The following STXBP5L variants were observed in gnomAD, a reference collection of about 807,000 sequenced individuals.
STXBP5L encodes syntaxin-binding protein 5-like.
In STXBP5L, 65 loss-of-function variants were observed where a neutral mutation model predicts 144.5. The ratio of observed to expected loss-of-function variants is 0.45; its 90% CI spans 0.37 to 0.55. STXBP5L has a LOEUF of 0.55. Among genes scored for constraint, STXBP5L ranks in the 20% least tolerant of loss-of-function variants. STXBP5L has a pLI of 0.00. For missense variants in STXBP5L, 1,298 were observed against 1,405.5 expected (o/e 0.92, Z 1.22); for synonymous variants, 505 against 469.6 (o/e 1.08, Z -0.97).
intron 10 of STXBP5L, among the ~76,000 whole-genome samples, 181 bp downstream of exon 10, chr3:121,206,182 T>C (rs1042444403): frequency 2.6e-5 from 4 of 152,206 alleles, no homozygotes; most frequent in Non-Finnish European, 5.9e-5. Flanking sequence ...ATGATTATTA[T>C]AAATTACAAG....
intron 3 of STXBP5L, among the ~76,000 whole-genome samples, chr3:121,005,868 G>C (rs1944248880): frequency 1.3e-5 from 2 of 152,184 alleles, no homozygotes; most frequent in African/African-American, 4.8e-5. Flanking sequence ...GGTTTTGAGT[G>C]AGTTTCTTAA....
At chr3:120,977,019 C>G (rs1017025619) in intron 3 of STXBP5L, among the ~76,000 whole-genome samples, 4 of 152,060 alleles carry the variant, frequency 2.6e-5, no homozygotes, top group East Asian at 1.9e-4. Context: ...TATGTATATT[C>G]TGTTGATTTG....
At chr3:121,353,926 C>G (rs750065311) in intron 20 of STXBP5L, among the ~76,000 whole-genome samples, 1 of 152,166 alleles carries the variant, frequency 6.6e-6, no homozygotes, top group Non-Finnish European at 1.5e-5. Context: ...TTTCTGCCTT[C>G]AATTCGTTAT....
intron 3 of STXBP5L, among the ~76,000 whole-genome samples, chr3:120,974,584 T>G (rs1940708585): frequency 6.6e-6 from 1 of 152,222 alleles, no homozygotes; most frequent in African/African-American, 2.4e-5. Context: ...TTGCTGCCAT[T>G]GCTTTTGGTG....
At chr3:121,113,515 TAGC>T (rs2044090986) in intron 5 of STXBP5L, among the ~76,000 whole-genome samples, 1 of 152,110 alleles carries the variant, frequency 6.6e-6, no homozygotes, top group African/African-American at 2.4e-5. Flanking sequence ...GCTTATGTAA[TAGC>T]AGAGCTTTTA....
At chr3:121,013,534 G>C (rs1209462002) in intron 3 of STXBP5L, among the ~76,000 whole-genome samples, 1 of 150,884 alleles carries the variant, frequency 6.6e-6, no homozygotes, top group Non-Finnish European at 1.5e-5. Flanking sequence ...CACTTTCAAC[G>C]GAGTTATTTG....
intron 5 of STXBP5L, among the ~76,000 whole-genome samples, chr3:121,065,280 T>C (rs2041487604): frequency 6.6e-6 from 1 of 152,196 alleles, no homozygotes; most frequent in African/African-American, 2.4e-5. Flanking sequence ...CTGGGTCAAA[T>C]GTTTGCTCTG....
intron 18 of STXBP5L, among the ~76,000 whole-genome samples, chr3:121,262,850 T>G (rs570813745): frequency 1.3e-5 from 2 of 152,296 alleles, no homozygotes; most frequent in South Asian, 4.1e-4. Context: ...CCCATCTCCC[T>G]GGGACAGAGC....
intron 5 of STXBP5L, among the ~76,000 whole-genome samples, chr3:121,083,299 T>A (rs1194224802): frequency 6.6e-6 from 1 of 152,228 alleles, no homozygotes; most frequent in African/African-American, 2.4e-5. Context: ...ATCTGGTTTG[T>A]TCTCAGGTAG....
At chr3:121,181,853 G>A (rs2047168174) in intron 9 of STXBP5L, among the ~76,000 whole-genome samples, 1 of 151,966 alleles carries the variant, frequency 6.6e-6, no homozygotes, top group Admixed American at 6.6e-5. Context: ...AGGTAAAGGG[G>A]TGGAAAAACA....
intron 3 of STXBP5L, among the ~76,000 whole-genome samples, chr3:121,000,918 T>G (rs1943720352): frequency 6.6e-6 from 1 of 152,218 alleles, no homozygotes; most frequent in Non-Finnish European, 1.5e-5. Context: ...TGCACTTTAA[T>G]CCTGGGGTTG....
At chr3:121,087,930 G>C (rs993722084) in intron 5 of STXBP5L, among the ~76,000 whole-genome samples, 2 of 152,096 alleles carry the variant, frequency 1.3e-5, no homozygotes, top group Admixed American at 1.3e-4. Context: ...ATGAAATGCA[G>C]AGACTTTTCC....
chr3:120,986,411 TTC>T (rs1250466452), intron 3 of STXBP5L, among the ~76,000 whole-genome samples: 1 of 152,006 alleles, frequency 6.6e-6, no homozygotes, highest in Non-Finnish European at 1.5e-5. Context: ...TTGTGTTAAA[TTC>T]TCTCTTTATA....
At chr3:120,984,429 G>A (rs1489002730) in intron 3 of STXBP5L, among the ~76,000 whole-genome samples, 1 of 151,870 alleles carries the variant, frequency 6.6e-6, no homozygotes, top group Non-Finnish European at 1.5e-5. Context: ...CTACTATTCT[G>A]CTATCTTGCT....
chr3:120,992,119 C>G (rs1942952022), intron 3 of STXBP5L, among the ~76,000 whole-genome samples: 1 of 151,950 alleles, frequency 6.6e-6, no homozygotes, highest in African/African-American at 2.4e-5. Flanking sequence ...AAATCTATGT[C>G]AATCTGCTTT....
chr3:121,059,132 C>G (rs1308458460), intron 5 of STXBP5L, among the ~76,000 whole-genome samples: 1 of 152,294 alleles, frequency 6.6e-6, no homozygotes, highest in East Asian at 1.9e-4. Context: ...TTCAATCCAT[C>G]TTGAGTTAAT....
chr3:121,137,023 CGTT>C (rs961838150), intron 7 of STXBP5L, among the ~76,000 whole-genome samples: 1 of 152,052 alleles, frequency 6.6e-6, no homozygotes, highest in African/African-American at 2.4e-5. Context: ...GGGAGCTAAA[CGTT>C]GTGTACACAC....
At chr3:120,980,224 T>C (rs144386613) in intron 3 of STXBP5L, among the ~76,000 whole-genome samples, 178 of 152,324 alleles carry the variant, frequency 1.2e-3, no homozygotes, top group African/African-American at 4.2e-3. Context: ...TGTAAATTTC[T>C]ATCTGTTCTA....
intron 3 of STXBP5L, among the ~76,000 whole-genome samples, chr3:121,008,119 G>T (rs1370427050): frequency 6.6e-6 from 1 of 151,904 alleles, no homozygotes; most frequent in Non-Finnish European, 1.5e-5. Flanking sequence ...TTTTCTGGGT[G>T]TCAGAGTACT....
Sources: gnomAD v4.1 joint callset for allele counts (sites outside exome capture counted in the v4.1 genomes callset) on GRCh38, gnomAD v4.1.1 for gene constraint, MANE v1.5 for transcripts, NCBI Gene and HGNC (gene_info 2026-07-23, HGNC 2026-07-21) for gene names.